OLFM3: variants seen among roughly 807,000 people sequenced by gnomAD.
The protein encoded by OLFM3 is noelin-3.
Under a neutral mutation model 48.6 loss-of-function variants are expected in OLFM3, and 20 were observed. That is an observed-to-expected ratio of 0.41 (90% CI 0.29 to 0.60). The LOEUF (loss-of-function observed/expected upper bound fraction) is 0.60, where lower values mean the gene tolerates loss of function less well. Among genes scored for constraint, OLFM3 ranks in the 20% least tolerant of loss-of-function variants. The probability of loss-of-function intolerance (pLI) is 0.28; values close to 1 mark genes in which losing one functional copy is unlikely to be tolerated. For synonymous variants in OLFM3, 222 were observed against 198.1 expected, an observed-to-expected ratio of 1.12 and a Z score of -1.01; for missense variants, 437 against 544.3, an observed-to-expected ratio of 0.80 and a Z score of 1.96.
intron 1 of OLFM3, among the ~76,000 whole-genome samples, chr1:101,989,343 T>C (rs1661335089): frequency 6.6e-6 from 1 of 152,092 alleles, no homozygotes; most frequent in Non-Finnish European, 1.5e-5. Context: ...GAAAAATCAA[T>C]TTTTTATTAT....
chr1:101,994,510 TTC>T (rs1661502276), intron 1 of OLFM3, among the ~76,000 whole-genome samples: 1 of 150,000 alleles, frequency 6.7e-6, no homozygotes, highest in African/African-American at 2.4e-5. Context: ...TTTTACAAAA[TTC>T]TTAGTTTATA....
At chr1:101,827,045 T>A (rs1298386890) in intron 3 of OLFM3, among the ~76,000 whole-genome samples, 1 of 152,210 alleles carries the variant, frequency 6.6e-6, no homozygotes, top group Non-Finnish European at 1.5e-5. Context: ...TATGAGAGCA[T>A]TGGAAAGTCC....
chr1:101,943,283 T>A (rs1659850176), intron 1 of OLFM3, among the ~76,000 whole-genome samples: 1 of 152,228 alleles, frequency 6.6e-6, no homozygotes, highest in South Asian at 2.1e-4. Flanking sequence ...AAATGCCACC[T>A]GTGGACAGCG....
At chr1:101,976,757 A>T (rs999447726) in intron 1 of OLFM3, among the ~76,000 whole-genome samples, 4 of 152,146 alleles carry the variant, frequency 2.6e-5, no homozygotes, top group South Asian at 2.1e-4. Context: ...ATATTCTGTA[A>T]ATTAGAAAAG....
intron 1 of OLFM3, among the ~76,000 whole-genome samples, chr1:101,992,824 C>G (rs151113914): frequency 2.6e-5 from 4 of 152,008 alleles, no homozygotes; most frequent in African/African-American, 9.7e-5. Context: ...CTTATCATGC[C>G]TATAGGGCTT....
chr1:101,844,817 C>CAA (rs150967211), intron 1 of OLFM3, among the ~76,000 whole-genome samples: 1 of 148,102 alleles, frequency 6.8e-6, no homozygotes, highest in African/African-American at 2.5e-5. Context: ...ATTTAATTTG[C>CAA]AAAAAAAAAA....
intron 1 of OLFM3, among the ~76,000 whole-genome samples, chr1:101,886,959 T>A (rs549077892): frequency 7.9e-5 from 12 of 152,242 alleles, no homozygotes; most frequent in African/African-American, 2.9e-4. Flanking sequence ...CTCAGTTATA[T>A]AATTTCTTCT....
intron 1 of OLFM3, among the ~76,000 whole-genome samples, chr1:101,963,589 TA>T (rs202166337): frequency 1.7e-4 from 25 of 149,976 alleles, no homozygotes; most frequent in African/African-American, 2.2e-4. Context: ...TCTTTCTCTT[TA>T]AAAAAAAAAT....
chr1:101,874,422 C>T (rs1404277160), intron 1 of OLFM3, among the ~76,000 whole-genome samples: 1 of 151,606 alleles, frequency 6.6e-6, no homozygotes, highest in African/African-American at 2.4e-5. Context: ...TTTGCCTGAA[C>T]TGCAGTCAGC....
intron 1 of OLFM3, among the ~76,000 whole-genome samples, chr1:101,946,757 T>G (rs906028597): frequency 5.9e-5 from 9 of 152,138 alleles, no homozygotes; most frequent in Non-Finnish European, 1.3e-4. Flanking sequence ...TAAACTTTTT[T>G]TAGTAAATAA....
intron 1 of OLFM3, among the ~76,000 whole-genome samples, chr1:101,927,408 G>A (rs998677796): frequency 4.0e-5 from 6 of 151,886 alleles, no homozygotes; most frequent in African/African-American, 1.4e-4. Context: ...CACATCACTC[G>A]AAATTTTCTT....
intron 1 of OLFM3, among the ~76,000 whole-genome samples, chr1:101,991,845 T>A (rs1032923205): frequency 2.0e-5 from 3 of 151,154 alleles, no homozygotes; most frequent in Non-Finnish European, 4.4e-5. Flanking sequence ...AAGTAGAAAA[T>A]TGAAAGCTTT....
chr1:101,963,391 T>C (rs1379603610), intron 1 of OLFM3, among the ~76,000 whole-genome samples: 1 of 152,148 alleles, frequency 6.6e-6, no homozygotes. Flanking sequence ...GGGTCCAGTA[T>C]AAGTTTTATG....
chr1:101,873,529 A>G (rs1335805358), intron 1 of OLFM3, among the ~76,000 whole-genome samples: 1 of 151,904 alleles, frequency 6.6e-6, no homozygotes, highest in African/African-American at 2.4e-5. Flanking sequence ...TAGGACTTTA[A>G]TTTAAGGAAA....
chr1:101,935,100 G>A (rs564611554), intron 1 of OLFM3, among the ~76,000 whole-genome samples: 5 of 151,850 alleles, frequency 3.3e-5, no homozygotes, highest in Non-Finnish European at 7.4e-5. Context: ...GGTAGCAGAA[G>A]ACAAGAAAAA....
At chr1:101,834,134 G>A (rs1486445123) in intron 2 of OLFM3, among the ~76,000 whole-genome samples, 1 of 152,132 alleles carries the variant, frequency 6.6e-6, no homozygotes, top group Non-Finnish European at 1.5e-5. Context: ...GGCAAACAGA[G>A]CATCACTTAA....
At chr1:101,925,545 A>C (rs969669125) in intron 1 of OLFM3, among the ~76,000 whole-genome samples, 1 of 151,822 alleles carries the variant, frequency 6.6e-6, no homozygotes, top group African/African-American at 2.4e-5. Context: ...TACAGACAGG[A>C]TCTTGCTCTG....
chr1:101,869,992 A>G (rs112975279), intron 1 of OLFM3, among the ~76,000 whole-genome samples: 2 of 152,328 alleles, frequency 1.3e-5, no homozygotes, highest in African/African-American at 4.8e-5. Flanking sequence ...ACAGACTAAT[A>G]CAGGTAATTA....
chr1:101,840,327 TTATACAGATGAG>T (rs1451103189), intron 1 of OLFM3, among the ~76,000 whole-genome samples: 1 of 152,142 alleles, frequency 6.6e-6, no homozygotes, highest in Non-Finnish European at 1.5e-5. Flanking sequence ...ATTCTGCCCA[TTATACAGATGAG>T]GAAACAGACT....
Sources: gnomAD v4.1 joint callset for allele counts (sites outside exome capture counted in the v4.1 genomes callset) on GRCh38, gnomAD v4.1.1 for gene constraint, MANE v1.5 for transcripts, NCBI Gene and HGNC (gene_info 2026-07-23, HGNC 2026-07-21) for gene names.